CLEC3A: variants seen among roughly 807,000 people sequenced by gnomAD.
CLEC3A encodes the protein C-type lectin domain family 3 member A, also known as C-type (calcium dependent, carbohydrate-recognition domain) lectin, superfamily member 1 (cartilage-derived).
CLEC3A carries 28 observed loss-of-function variants against 20.4 expected under a neutral mutation model. The ratio of observed to expected loss-of-function variants is 1.37; its 90% CI spans 1.02 to 1.88. The LOEUF (loss-of-function observed/expected upper bound fraction) is 1.88. Ranked by LOEUF, CLEC3A falls within the 40% of genes most tolerant of loss-of-function variation. CLEC3A has a pLI of 0.00. For synonymous variants in CLEC3A, 110 were observed against 88.1 expected (o/e 1.25, Z -1.39); for missense variants, 357 against 240.4 (o/e 1.48, Z -3.21).
chr16:78,026,908 C>G (rs1326358871), intron 1 of CLEC3A, among the ~76,000 whole-genome samples: 1 of 152,154 alleles, frequency 6.6e-6, no homozygotes, highest in East Asian at 1.9e-4. Context: ...GCACTTAACC[C>G]TGCTAGTAGC....
intron 1 of CLEC3A, among the ~76,000 whole-genome samples, chr16:78,026,320 G>C (rs557891452): frequency 1.3e-5 from 2 of 152,198 alleles, no homozygotes; most frequent in Non-Finnish European, 2.9e-5. Flanking sequence ...GAAAAATCCA[G>C]TACAGAACAT....
Position 78,030,962 on chromosome 16 carries a change from C to T in CLEC3A, c.*121C>T. On this transcript the variant is annotated 3_prime_UTR_variant, in exon 3 of 3. Coordinates refer to ENST00000299642, the MANE Select transcript of CLEC3A (RefSeq NM_005752.6). ...AAAATTGCAACACAAGATCAATGTC[C>T]ATAGCAATATGATAGCATCAGCCAA... 1 of 1,144,902 alleles carries T rather than the reference C, an allele frequency of 8.7e-7. No individual in the cohort carries two copies. Among genetic ancestry groups the T allele is most frequent in the South Asian group, 1.7e-5 (1 of 59,320 alleles). 70.9% of individuals were successfully genotyped at this position (1,144,902 alleles called of 1,614,324 possible).
Position 78,022,730 on chromosome 16 carries a change from G to GTC in CLEC3A, c.105_106dup (p.Arg36LeufsTer3), listed in dbSNP as rs756441651. 10 of 1,614,150 alleles carry GTC rather than the reference G, an allele frequency of 6.2e-6. No individual in the cohort carries two copies. The South Asian group carries it at 9.9e-5, about 16-fold the overall frequency. On this transcript the variant is annotated frameshift_variant, in exon 1 of 3. Coordinates refer to ENST00000299642, the MANE Select transcript of CLEC3A (RefSeq NM_005752.6). LOFTEE classifies it high-confidence loss of function. ...TTAAAAGCCAGGAAGCACAGCAAAC[G>GTC]TCGAGTGAGAGGTAATGGGGCTTCT...
At chr16:78,028,075 C>T (rs1257145284) in intron 1 of CLEC3A, 32 bp from the exon 2 acceptor site, 7 of 1,430,764 alleles carry the variant, frequency 4.9e-6, no homozygotes, top group Non-Finnish European at 6.9e-6. Context: ...TTTTCATCCA[C>T]CTACCCCATC....
At chr16:78,026,393 T>C (rs930524766) in intron 1 of CLEC3A, among the ~76,000 whole-genome samples, 2 of 152,174 alleles carry the variant, frequency 1.3e-5, no homozygotes, top group Non-Finnish European at 2.9e-5. Context: ...AAGCTTTAAG[T>C]ATCTTCTCTG....
rs1355459914 is a variant in CLEC3A, at chr16:78,031,919, G to C, written c.*1078G>C. 1.3e-5 allele frequency: 2 copies of C among 152,470 alleles called. No homozygotes were observed. Among genetic ancestry groups the C allele is most frequent in the Non-Finnish European group, 2.9e-5 (2 of 68,014 alleles). 9.4% of individuals were successfully genotyped at this position (152,470 alleles called of 1,614,324 possible). ...TCAAATTACAAAGTTTAGACTTGGA[G>C]GGAAATGGGCTTTTTAGAAGCAAAC... On this transcript the variant is annotated 3_prime_UTR_variant, in exon 3 of 3. Transcript: ENST00000299642.
intron 1 of CLEC3A, among the ~76,000 whole-genome samples, chr16:78,026,709 C>T (rs191665769): frequency 5.3e-5 from 8 of 152,336 alleles, no homozygotes; most frequent in Admixed American, 2.0e-4. Context: ...ACCTCACAAG[C>T]TGCCAATCTC....
intron 1 of CLEC3A, among the ~76,000 whole-genome samples, chr16:78,024,752 C>T (rs2018791692): frequency 6.6e-6 from 1 of 152,132 alleles, no homozygotes; most frequent in South Asian, 2.1e-4. Context: ...CTTCTCTCTC[C>T]CAATCCTCAC....
At position 78,030,448 on chromosome 16, in the gene CLEC3A, C is replaced by T; in HGVS notation, c.201C>T (p.Val67=). The T allele has an allele frequency of 6.3e-7, 1 of 1,593,604 alleles. No individual in the cohort carries two copies. The highest frequency in any genetic ancestry group is 8.6e-7 in the Non-Finnish European group (1 of 1,168,510). Reference sequence around the variant, plus strand: ...ATGTTACACTTCACATCTTCACAGTCTGTCTCCGAGGCACTAAAGTTCACA... The same window carrying T: ...ATGTTACACTTCACATCTTCACAGTTTGTCTCCGAGGCACTAAAGTTCACA... ...ALKEIQALQT[V]CLRGTKVHKK... The change falls in exon 3 of 3, where the codon GTC becomes GTT. Residue 67 remains valine, a splice_region_variant and synonymous_variant. Coordinates refer to ENST00000299642, the MANE Select transcript of CLEC3A (RefSeq NM_005752.6).
intron 2 of CLEC3A, among the ~76,000 whole-genome samples, chr16:78,029,988 C>G (rs1009843485): frequency 6.6e-6 from 1 of 151,828 alleles, no homozygotes; most frequent in African/African-American, 2.4e-5. Context: ...CCCGTCTCTA[C>G]TAAAAATACA....
rs773789936 is a variant in CLEC3A at position 78,022,622 on chromosome 16, G to A, written c.-5G>A. 6.2e-7 allele frequency: 1 copy of A among 1,614,012 alleles called. No homozygotes were observed. Among genetic ancestry groups the A allele is most frequent in the South Asian group, 1.1e-5 (1 of 91,056 alleles). On this transcript the variant is annotated 5_prime_UTR_variant, in exon 1 of 3. Transcript: ENST00000299642. ...AACATGGCTCAGCAGGCTTGCCCCA[G>A]AGCCATGGCAAAGAATGGACTTGTA...
At chr16:78,024,612 C>T (rs1278497918) in intron 1 of CLEC3A, among the ~76,000 whole-genome samples, 1 of 152,152 alleles carries the variant, frequency 6.6e-6, no homozygotes, top group African/African-American at 2.4e-5. Context: ...GTAGATTCTA[C>T]AGTAGGTGAA....
At chr16:78,028,599 G>C (rs761328964) in intron 2 of CLEC3A, among the ~76,000 whole-genome samples, 1 of 152,214 alleles carries the variant, frequency 6.6e-6, no homozygotes, top group Non-Finnish European at 1.5e-5. Context: ...ACCGCAGCTT[G>C]CCAACAGGGC....
chr16:78,029,142 A>G (rs1048793901), intron 2 of CLEC3A: 9 of 455,808 alleles, frequency 2.0e-5, no homozygotes, highest in African/African-American at 4.0e-5. Context: ...ATGAGGCACA[A>G]AGAAGGTAAG....
chr16:78,026,325 G>C (rs1372054168), intron 1 of CLEC3A, among the ~76,000 whole-genome samples: 1 of 152,190 alleles, frequency 6.6e-6, no homozygotes, highest in African/African-American at 2.4e-5. Flanking sequence ...ATCCAGTACA[G>C]AACATAGACT....
rs375236598 is a variant in CLEC3A, at chr16:78,030,610, C to A, written c.363C>A (p.Ser121Arg). 1.8e-5 allele frequency: 29 copies of A among 1,614,026 alleles called. No individual in the cohort carries two copies. The African/African-American group carries it at 2.3e-4, about 13-fold the overall frequency. Residue 121 changes from serine (S) to arginine (R), a missense_variant, in exon 3 of 3, where the codon AGC becomes AGA. By Grantham distance (110) the Ser-to-Arg change is moderately radical. Transcript: ENST00000299642. ...INALQDYGKR[S>R]LPGVNDFWLG... ...CCCTCCAAGACTATGGTAAAAGGAGCCTGCCAGGTGTCAATGACTTTTGGC... is the reference window on the plus strand; with the variant it reads ...CCCTCCAAGACTATGGTAAAAGGAGACTGCCAGGTGTCAATGACTTTTGGC...
At position 78,031,073 on chromosome 16, in the gene CLEC3A, G is replaced by A; in HGVS notation, c.*232G>A. 2.1e-6 allele frequency: 1 copy of A among 486,090 alleles called. No homozygotes were observed. Among genetic ancestry groups the A allele is most frequent in the Middle Eastern group, 5.3e-4 (1 of 1,896 alleles). 30.1% of individuals were successfully genotyped at this position (486,090 alleles called of 1,614,324 possible). ...TGATCCATGTGCACGCAGATAAAATGGCTTCTGCTAAACAGACTAAAATCT... is the reference window on the plus strand; with the variant it reads ...TGATCCATGTGCACGCAGATAAAATAGCTTCTGCTAAACAGACTAAAATCT... On this transcript the variant is annotated 3_prime_UTR_variant, in exon 3 of 3. Coordinates refer to ENST00000299642, the MANE Select transcript of CLEC3A (RefSeq NM_005752.6).
intron 1 of CLEC3A, among the ~76,000 whole-genome samples, chr16:78,026,114 T>G (rs1347705463): frequency 6.6e-6 from 1 of 152,172 alleles, no homozygotes; most frequent in Non-Finnish European, 1.5e-5. Flanking sequence ...GGTAAAAATC[T>G]TTAGGTTATA....
chr16:78,030,565 GAACTCCGACGA>G lies in CLEC3A; in HGVS notation c.321_331del (p.Ser108GlnfsTer8). 2 of 1,614,128 alleles carry G rather than the reference GAACTCCGACGA, an allele frequency of 1.2e-6. No individual in the cohort carries two copies. Among genetic ancestry groups the G allele is most frequent in the Non-Finnish European group, 1.7e-6 (2 of 1,180,028 alleles). The stretch of plus-strand genomic sequence containing the variant: ...AAGGAGGAATCCTGGTTATCCCCAG[GAACTCCGACGA>G]AATCAACGCCCTCCAAGACTATGGT... On this transcript the variant is annotated frameshift_variant, in exon 3 of 3. Transcript: ENST00000299642. LOFTEE classifies it high-confidence loss of function.
Sources: allele counts gnomAD v4.1 joint callset (sites outside exome capture counted in the v4.1 genomes callset), GRCh38; gene constraint gnomAD v4.1.1; transcripts MANE v1.5; gene names NCBI Gene and HGNC (gene_info 2026-07-23, HGNC 2026-07-21).